The following DDX42 variants were observed in gnomAD, a reference collection of about 807,000 sequenced individuals.
DDX42 encodes ATP-dependent RNA helicase DDX42.
In DDX42, 22 loss-of-function variants were observed where a neutral mutation model predicts 101.5. The ratio of observed to expected loss-of-function variants is 0.22; its 90% CI spans 0.15 to 0.31. DDX42 has a LOEUF of 0.31. DDX42 is among the 10% of genes least tolerant of loss of function. DDX42 has a pLI of 1.00. For synonymous variants in DDX42, 402 were observed against 401.2 expected (o/e 1.00, Z -0.02); for missense variants, 849 against 1,199.9 (o/e 0.71, Z 4.32).
At chr17:63,790,647 C>G (rs549657177) in intron 2 of DDX42, among the ~76,000 whole-genome samples, 1 of 152,288 alleles carries the variant, frequency 6.6e-6, no homozygotes, top group African/African-American at 2.4e-5. Flanking sequence ...ATAATCCCAG[C>G]TACTTGGGAG....
chr17:63,774,176 CT>C lies in DDX42; in HGVS notation c.-216del, dbSNP rs1419293975. ...CTGCGCATGTCGCGTTTTTGTTCCC[CT>C]CCCCCCTTCAGCAACGGGCCGTGAG... On this transcript the variant is annotated 5_prime_UTR_variant, in exon 1 of 18. Transcript: ENST00000389924. 6 of 281,738 alleles carry C rather than the reference CT, an allele frequency of 2.1e-5. 1 individual carries two copies. The East Asian group carries it at 4.0e-4, about 19-fold the overall frequency. 17.5% of individuals were successfully genotyped at this position (281,738 alleles called of 1,614,324 possible).
At chr17:63,776,467 T>G (rs2039422366) in intron 1 of DDX42, 1 of 152,300 alleles carries the variant, frequency 6.6e-6, no homozygotes, top group Non-Finnish European at 1.5e-5. Flanking sequence ...ATGAAATACC[T>G]GAGTTGAAAG....
At chr17:63,793,554 C>T (rs1016603129) in intron 3 of DDX42, among the ~76,000 whole-genome samples, 1 of 152,144 alleles carries the variant, frequency 6.6e-6, no homozygotes, top group Non-Finnish European at 1.5e-5. Context: ...AGGCATAAGC[C>T]ACTGTGCCCA....
chr17:63,800,227 T>G, intron 5 of DDX42: 1 of 410,214 alleles, frequency 2.4e-6, no homozygotes, highest in Non-Finnish European at 4.3e-6. Flanking sequence ...AACAGACAGA[T>G]TTGTAAGTCT....
At chr17:63,793,671 A>T (rs1299415776) in intron 3 of DDX42, among the ~76,000 whole-genome samples, 1 of 152,070 alleles carries the variant, frequency 6.6e-6, no homozygotes, top group Non-Finnish European at 1.5e-5. Flanking sequence ...TTATTGTCGC[A>T]CCCAAAAAAC....
At chr17:63,775,086 C>T (rs899445107) in intron 1 of DDX42, 6 of 152,592 alleles carry the variant, frequency 3.9e-5, no homozygotes, top group East Asian at 3.9e-4. Flanking sequence ...CTATGTCTGT[C>T]CTCTCTCGTA....
At chr17:63,799,764 C>G (rs2039739846) in intron 5 of DDX42, 139 bp downstream of exon 5, 1 of 775,366 alleles carries the variant, frequency 1.3e-6, no homozygotes, top group South Asian at 2.5e-5. Context: ...TCCTTTTGTA[C>G]CTGTGTGACC....
chr17:63,796,755 T>C (rs1284849757), intron 3 of DDX42, among the ~76,000 whole-genome samples: 2 of 152,256 alleles, frequency 1.3e-5, no homozygotes, highest in East Asian at 1.9e-4. Context: ...CTGTTTCTTA[T>C]GTTACATTGC....
At chr17:63,789,472 C>T (rs548332114) in intron 2 of DDX42, among the ~76,000 whole-genome samples, 1 of 151,898 alleles carries the variant, frequency 6.6e-6, no homozygotes, top group South Asian at 2.1e-4. Flanking sequence ...CCTTGGCCTC[C>T]CAAAGTGCTG....
intron 6 of DDX42, among the ~76,000 whole-genome samples, chr17:63,801,225 A>T (rs907234497): frequency 8.6e-5 from 13 of 151,396 alleles, no homozygotes; most frequent in Non-Finnish European, 1.6e-4. Flanking sequence ...AATTTTTTTT[A>T]AATATTTTTG....
intron 16 of DDX42, 72 bp from the exon 17 acceptor site, chr17:63,816,796 A>T: frequency 8.4e-7 from 1 of 1,192,858 alleles, no homozygotes; most frequent in Non-Finnish European, 1.2e-6. Context: ...GGTTTTCATA[A>T]TGAGGCCTAG....
At chr17:63,787,003 A>C in intron 1 of DDX42, 31 bp from the exon 2 acceptor site, 1 of 1,607,052 alleles carries the variant, frequency 6.2e-7, no homozygotes. Context: ...TTTTAAGTTT[A>C]ATTTATATTT....
chr17:63,787,485 A>G (rs1022168928), intron 2 of DDX42, among the ~76,000 whole-genome samples: 1 of 152,168 alleles, frequency 6.6e-6, no homozygotes, highest in Admixed American at 6.5e-5. Context: ...ACCTTTACTC[A>G]TTCAGTGTTA....
chr17:63,792,368 C>T (rs1250589470), intron 2 of DDX42, 44 bp from the exon 3 acceptor site: 1 of 1,587,444 alleles, frequency 6.3e-7, no homozygotes. Flanking sequence ...TTTACTGACC[C>T]CAAAGTAAGC....
Position 63,788,561 on chromosome 17 carries a change from C to T in DDX42, c.221+1291C>T, listed in dbSNP as rs184157080. On this transcript the variant is annotated intron_variant, in intron 2 of 17. Coordinates refer to ENST00000389924, the MANE Select transcript of DDX42 (RefSeq NM_203499.3). ...GACCTCATGATCCGCCCGCCTCAGC[C>T]TCCCAAACTGCTAGGATTATACAGG... 6.9e-3 allele frequency among the ~76,000 whole-genome samples: 1,055 copies of T among 152,168 alleles called. 36 individuals carry two copies. Among genetic ancestry groups the T allele is most frequent in the Middle Eastern group, 0.034 (10 of 294 alleles).
chr17:63,779,985 T>C (rs533888465), intron 1 of DDX42, among the ~76,000 whole-genome samples: 1 of 152,326 alleles, frequency 6.6e-6, no homozygotes, highest in East Asian at 1.9e-4. Flanking sequence ...AGTAACCATA[T>C]ACACTACATG....
chr17:63,816,753 A>C, intron 16 of DDX42, 115 bp from the exon 17 acceptor site: 1 of 636,338 alleles, frequency 1.6e-6, no homozygotes. Context: ...GCTTTCTAAA[A>C]GTATCCAGTT....
chr17:63,785,602 TAAA>T (rs35420075), intron 1 of DDX42, among the ~76,000 whole-genome samples: 15 of 140,116 alleles, frequency 1.1e-4, no homozygotes, highest in East Asian at 2.1e-4. Flanking sequence ...CCCTGTTCCT[TAAA>T]AAAAAAAAAA....
At chr17:63,803,749 A>AGAAC (rs1359627254) in intron 6 of DDX42, among the ~76,000 whole-genome samples, 1 of 151,246 alleles carries the variant, frequency 6.6e-6, no homozygotes, top group Non-Finnish European at 1.5e-5. Flanking sequence ...TCCCGGGTTC[A>AGAAC]AGAGATTCTC....
Sources: gnomAD v4.1 joint callset for allele counts (sites outside exome capture counted in the v4.1 genomes callset) on GRCh38, gnomAD v4.1.1 for gene constraint, MANE v1.5 for transcripts, NCBI Gene and HGNC (gene_info 2026-07-23, HGNC 2026-07-21) for gene names.